The following CPNE5 variants were observed in gnomAD, a reference collection of about 807,000 sequenced individuals.
CPNE5 encodes copine-5.
A neutral mutation model predicts 81.1 loss-of-function variants in CPNE5; 42 were observed. The ratio of observed to expected loss-of-function variants is 0.52; its 90% CI spans 0.40 to 0.67. CPNE5 has a LOEUF of 0.67. Ranked by LOEUF, CPNE5 falls within the 30% of genes least tolerant of loss-of-function variation. CPNE5 has a pLI of 0.00. For synonymous variants in CPNE5, 313 were observed against 321.5 expected, an observed-to-expected ratio of 0.97 and a Z score of 0.28; for missense variants, 612 against 815.5, an observed-to-expected ratio of 0.75 and a Z score of 3.04.
chr6:36,802,870 T>C (rs954272660), intron 3 of CPNE5, among the ~76,000 whole-genome samples: 3 of 151,938 alleles, frequency 2.0e-5, no homozygotes, highest in African/African-American at 7.3e-5. Context: ...GCCAACATGG[T>C]GAAACCCCAT....
chr6:36,799,244 C>T (rs954193361), intron 4 of CPNE5, among the ~76,000 whole-genome samples: 2 of 152,152 alleles, frequency 1.3e-5, no homozygotes, highest in African/African-American at 4.8e-5. Context: ...CAGGTGACTT[C>T]TCTACAATAG....
In CPNE5 at chr6:36,794,556, A is replaced by G. The variant is rs114694653; in HGVS notation, c.464+34T>C. The G allele has an allele frequency of 9.5e-5, 153 of 1,604,738 alleles. No homozygotes were observed. The African/African-American group carries it at 1.9e-3, about 20-fold the overall frequency. On this transcript the variant is annotated intron_variant, in intron 7 of 20. Coordinates refer to ENST00000244751, the MANE Select transcript of CPNE5 (RefSeq NM_020939.2). ...CTTTGCAGAGCTGGCTGAATGTCTA[A>G]GGACTCCAGGGCCAGAGATGTCTGG...
intron 4 of CPNE5, 149 bp downstream of exon 4, chr6:36,799,818 C>A (rs1008492130): frequency 4.8e-6 from 3 of 620,386 alleles, no homozygotes; most frequent in Non-Finnish European, 8.7e-6. Context: ...AGGGTGCAGG[C>A]GACTTCAGCT....
At chr6:36,790,816 T>G (rs1286036411) in intron 8 of CPNE5, among the ~76,000 whole-genome samples, 1 of 152,218 alleles carries the variant, frequency 6.6e-6, no homozygotes, top group Non-Finnish European at 1.5e-5. Flanking sequence ...GTGCTGGGAT[T>G]ACAGGCGTGA....
chr6:36,801,909 G>C (rs753854135), intron 3 of CPNE5, among the ~76,000 whole-genome samples: 5 of 152,124 alleles, frequency 3.3e-5, no homozygotes, highest in Non-Finnish European at 7.4e-5. Context: ...TAACTCTACT[G>C]AACTGTACAC....
chr6:36,805,979 G>A lies in CPNE5; in HGVS notation c.184-5909C>T, dbSNP rs563770330. Among the ~76,000 whole-genome samples the A allele has an allele frequency of 7.2e-5, 11 of 152,286 alleles. No homozygotes were observed. The South Asian group carries it at 2.3e-3, about 32-fold the overall frequency. On this transcript the variant is annotated intron_variant, in intron 3 of 20. Transcript: ENST00000244751. The stretch of plus-strand genomic sequence containing the variant: ...TACACGTGACAGCTGGGATGTATGG[G>A]GCAGGTAGACAGCAGTGTCGCCAAA...
At chr6:36,754,214 C>CTTTTTTTTTTTTTTTTT (rs148737317) in intron 13 of CPNE5, 1 of 140,946 alleles carries the variant, frequency 7.1e-6, no homozygotes, top group Non-Finnish European at 1.5e-5. Context: ...CAGAGATCTT[C>CTTTTTTTTTTTTTTTTT]TTTTTTTTTT....
intron 13 of CPNE5, chr6:36,754,848 C>T (rs1178023792): frequency 6.6e-6 from 1 of 152,174 alleles, no homozygotes; most frequent in East Asian, 1.9e-4. Context: ...TTTGGGGGTT[C>T]TCATAATGAC....
rs149051540 is a variant in CPNE5 at position 36,798,183 on chromosome 6, C to A, written c.386G>T (p.Arg129Leu). The A allele has an allele frequency of 3.1e-6, 5 of 1,613,640 alleles. No homozygotes were observed. The African/African-American group carries it at 5.3e-5, about 17-fold the overall frequency. The change falls in exon 6 of 21, where the codon CGC becomes CTC. Residue 129 changes from arginine (R) to leucine (L), a missense_variant. By Grantham distance (102) the Arg-to-Leu change is moderately radical (BLOSUM62 -2). Transcript: ENST00000244751. ...LGEIVGSPGSRLEKPLTIGAF... is the reference protein window; with the variant it reads ...LGEIVGSPGSLLEKPLTIGAF... ...CACTCACGTGAGGGGCTTTTCCAGG[C>A]GGCTCCCAGGGGACCCCACAATCTC...
chr6:36,755,929 C>T (rs191859060), intron 13 of CPNE5: 174 of 416,996 alleles, frequency 4.2e-4, no homozygotes, highest in African/African-American at 3.0e-3. Flanking sequence ...AAAGCACCAA[C>T]GTGGGGAATT....
At chr6:36,791,506 C>T (rs1282822303) in intron 8 of CPNE5, among the ~76,000 whole-genome samples, 1 of 152,184 alleles carries the variant, frequency 6.6e-6, no homozygotes, top group East Asian at 1.9e-4. Flanking sequence ...TGCTCCCCCA[C>T]AGTCCTACAG....
chr6:36,829,996 A>G (rs1772853971), intron 1 of CPNE5, among the ~76,000 whole-genome samples: 1 of 152,094 alleles, frequency 6.6e-6, no homozygotes, highest in Admixed American at 6.6e-5. Context: ...GACACCCAAC[A>G]AGTATATAAT....
intron 3 of CPNE5, among the ~76,000 whole-genome samples, chr6:36,809,196 G>A (rs998315976): frequency 3.3e-5 from 5 of 151,806 alleles, no homozygotes; most frequent in African/African-American, 7.3e-5. Context: ...CAGCCCCTAC[G>A]CAGAGAGAGA....
At chr6:36,764,431 A>G (rs933911120) in intron 11 of CPNE5, among the ~76,000 whole-genome samples, 1 of 152,110 alleles carries the variant, frequency 6.6e-6, no homozygotes, top group Non-Finnish European at 1.5e-5. Context: ...AGCACTTTAC[A>G]TAAGATAAAA....
chr6:36,803,378 A>C (rs565636173), intron 3 of CPNE5, among the ~76,000 whole-genome samples: 13 of 152,192 alleles, frequency 8.5e-5, no homozygotes, highest in Admixed American at 8.5e-4. Context: ...CTAAGGCTGC[A>C]CTTACTCTGC....
intron 3 of CPNE5, among the ~76,000 whole-genome samples, chr6:36,818,969 T>C (rs1207516500): frequency 6.6e-6 from 1 of 152,232 alleles, no homozygotes; most frequent in East Asian, 1.9e-4. Context: ...TCAAAAGTCA[T>C]TAGTTCACTT....
chr6:36,745,407 C>T lies in CPNE5; in HGVS notation c.1309G>A (p.Val437Met), dbSNP rs1351378508. The T allele has an allele frequency of 2.5e-6, 4 of 1,607,312 alleles. No individual in the cohort carries two copies. The highest frequency in any genetic ancestry group is 3.4e-6 in the Non-Finnish European group (4 of 1,177,678). ...ACTCACCTGGCCACGTGGGTGACCA[C>T]GGGGGCAAAGTTGGTGGGGCCGTAC... ...QLYGPTNFAP[V>M]VTHVARNAAA... The change falls in exon 17 of 21, where the codon GTG (valine) becomes ATG (methionine). Residue 437 changes from valine to methionine, a missense_variant. Val to Met is a conservative substitution (Grantham distance 21). Coordinates refer to ENST00000244751, the MANE Select transcript of CPNE5 (RefSeq NM_020939.2).
rs1763612288 is a variant in CPNE5 at position 36,741,903 on chromosome 6, C to A, written c.*365G>T. The A allele has an allele frequency of 8.7e-6, 2 of 228,944 alleles. No homozygotes were observed. The highest frequency in any genetic ancestry group is 1.7e-5 in the Non-Finnish European group (2 of 117,536). 14.2% of individuals were successfully genotyped at this position (228,944 alleles called of 1,614,324 possible). ...GACGGAGATGGGGGGCTGGAGGAGG[C>A]CAAGCCCAGGCTTCAGGGTGACAGG... On this transcript the variant is annotated 3_prime_UTR_variant, in exon 21 of 21. Coordinates refer to ENST00000244751, the MANE Select transcript of CPNE5 (RefSeq NM_020939.2).
At chr6:36,809,412 C>CA (rs1170053093) in intron 3 of CPNE5, among the ~76,000 whole-genome samples, 4 of 152,038 alleles carry the variant, frequency 2.6e-5, no homozygotes, top group Admixed American at 6.6e-5. Flanking sequence ...CCCATCTCCA[C>CA]AAAAAATAAG....
Sources: gnomAD v4.1 joint callset for allele counts (sites outside exome capture counted in the v4.1 genomes callset) on GRCh38, gnomAD v4.1.1 for gene constraint, MANE v1.5 for transcripts, NCBI Gene and HGNC (gene_info 2026-07-23, HGNC 2026-07-21) for gene names.